ZBBX: variants seen among roughly 807,000 people sequenced by gnomAD.
ZBBX encodes zinc finger B-box domain containing.
ZBBX carries 101 observed loss-of-function variants against 108.5 expected under a neutral mutation model. That is an observed-to-expected ratio of 0.93 (90% CI 0.79 to 1.10). ZBBX has a LOEUF of 1.10. Ranked by LOEUF, ZBBX falls within the 50% of genes least tolerant of loss-of-function variation. The pLI is 0.00. For missense variants in ZBBX, 1,009 were observed against 941.4 expected (o/e 1.07, Z -0.94); for synonymous variants, 356 against 323.4 (o/e 1.10, Z -1.08).
chr3:167,314,156 A>C, intron 15 of ZBBX, 40 bp from the exon 16 acceptor site: 1 of 1,514,402 alleles, frequency 6.6e-7, no homozygotes, highest in Non-Finnish European at 8.8e-7. Context: ...AGAGTTGAAA[A>C]AATGATTTTA....
At chr3:167,294,373 A>G (rs142669704) in intron 18 of ZBBX, among the ~76,000 whole-genome samples, 5,223 of 152,256 alleles carry the variant, frequency 0.034, 100 homozygotes, top group East Asian at 0.066. Context: ...AACAGAACAG[A>G]GCCCTCAGAA....
chr3:167,251,662 G>T (rs1012097677), intron 20 of ZBBX, among the ~76,000 whole-genome samples: 23 of 152,096 alleles, frequency 1.5e-4, no homozygotes, highest in Non-Finnish European at 3.1e-4. Context: ...TGGAGAGAGA[G>T]ATAAGTTTTC....
At chr3:167,201,288 A>G in the ZBBX span, among the ~76,000 whole-genome samples, 83 of 152,262 alleles carry the variant, frequency 5.5e-4, 1 homozygote, top group Non-Finnish European at 6.3e-4. Context: ...GAGAACAGAA[A>G]TCTATCTGGT....
chr3:167,314,424 T>G (rs1157249444), intron 15 of ZBBX, among the ~76,000 whole-genome samples: 1 of 152,010 alleles, frequency 6.6e-6, no homozygotes, highest in Non-Finnish European at 1.5e-5. Context: ...AAAAAGGGAG[T>G]GTTCTCTTTC....
At chr3:167,199,212 A>T in the ZBBX span, among the ~76,000 whole-genome samples, 1 of 152,162 alleles carries the variant, frequency 6.6e-6, no homozygotes. Context: ...ATTGTGAAAT[A>T]TGCCTTGTAA....
intron 19 of ZBBX, among the ~76,000 whole-genome samples, chr3:167,288,596 T>C (rs576953151): frequency 6.6e-6 from 1 of 152,346 alleles, no homozygotes; most frequent in South Asian, 2.1e-4. Context: ...AAATATGCCA[T>C]ATCCTTAACT....
chr3:167,230,194 A>G, the ZBBX span, among the ~76,000 whole-genome samples: 4 of 151,852 alleles, frequency 2.6e-5, no homozygotes, highest in African/African-American at 9.7e-5. Flanking sequence ...AATGCTTACA[A>G]CATATTGTAG....
chr3:167,295,632 A>G (rs979001117), intron 18 of ZBBX, among the ~76,000 whole-genome samples: 3 of 149,716 alleles, frequency 2.0e-5, no homozygotes, highest in African/African-American at 7.4e-5. Context: ...CCTATGTAAC[A>G]AACCTGCATG....
chr3:167,290,207 C>T (rs1355531769), intron 18 of ZBBX, among the ~76,000 whole-genome samples: 6 of 152,288 alleles, frequency 3.9e-5, no homozygotes, highest in East Asian at 3.9e-4. Flanking sequence ...CCCAGCACAG[C>T]GTCTGAGCTC....
intron 17 of ZBBX, 22 bp from the exon 18 acceptor site, chr3:167,298,480 A>T: frequency 1.4e-6 from 2 of 1,440,960 alleles, no homozygotes; most frequent in East Asian, 4.9e-5. Flanking sequence ...AATATTCAAC[A>T]ATATTATTTT....
At chr3:167,349,474 T>G (rs1431349609) in intron 9 of ZBBX, among the ~76,000 whole-genome samples, 1 of 152,058 alleles carries the variant, frequency 6.6e-6, no homozygotes, top group Non-Finnish European at 1.5e-5. Flanking sequence ...CAAAAGTCAC[T>G]GACTTTGGTG....
At chr3:167,220,517 AT>A in the ZBBX span, among the ~76,000 whole-genome samples, 1 of 152,172 alleles carries the variant, frequency 6.6e-6, no homozygotes, top group East Asian at 1.9e-4. Context: ...CTGAAAAAGC[AT>A]TGGATAAAAT....
At chr3:167,341,457 A>C (rs1415826898) in intron 9 of ZBBX, among the ~76,000 whole-genome samples, 1 of 151,910 alleles carries the variant, frequency 6.6e-6, no homozygotes, top group East Asian at 1.9e-4. Flanking sequence ...TGAAAAAGTA[A>C]CATATTGTCA....
At chr3:167,282,669 A>T (rs1204028667) in intron 19 of ZBBX, 174 bp from the exon 20 acceptor site, 7 of 556,818 alleles carry the variant, frequency 1.3e-5, no homozygotes, top group Non-Finnish European at 2.2e-5. Context: ...CTTAATCTCA[A>T]ATTACTTTTC....
At chr3:167,348,476 AG>A (rs1742088846) in intron 9 of ZBBX, among the ~76,000 whole-genome samples, 5 of 151,618 alleles carry the variant, frequency 3.3e-5, no homozygotes, top group Non-Finnish European at 5.9e-5. Context: ...AGAAAGAGAG[AG>A]AAGGAAAGAA....
At chr3:167,295,434 A>G (rs191808225) in intron 18 of ZBBX, among the ~76,000 whole-genome samples, 1 of 151,934 alleles carries the variant, frequency 6.6e-6, no homozygotes, top group Admixed American at 6.6e-5. Context: ...GCAAACTATC[A>G]CAAGAACAGA....
chr3:167,302,078 C>A (rs1732792791), intron 17 of ZBBX, among the ~76,000 whole-genome samples: 1 of 148,182 alleles, frequency 6.7e-6, no homozygotes, highest in African/African-American at 2.5e-5. Flanking sequence ...AATATGATTT[C>A]TTTAGCATTT....
At chr3:167,248,038 C>T (rs11923029) in intron 20 of ZBBX, among the ~76,000 whole-genome samples, 49,088 of 151,958 alleles carry the variant, frequency 0.32, 8,392 homozygotes, top group East Asian at 0.65. Flanking sequence ...CTAAGTAAAA[C>T]GAGCATTAGG....
intron 20 of ZBBX, among the ~76,000 whole-genome samples, chr3:167,276,027 C>T (rs1381581878): frequency 6.6e-6 from 1 of 152,124 alleles, no homozygotes; most frequent in Non-Finnish European, 1.5e-5. Flanking sequence ...AGACTGACAC[C>T]TCACACGGCC....
Sources: allele counts gnomAD v4.1 joint callset (sites outside exome capture counted in the v4.1 genomes callset), GRCh38; gene constraint gnomAD v4.1.1; transcripts MANE v1.5; gene names NCBI Gene and HGNC (gene_info 2026-07-23, HGNC 2026-07-21).